The following RPS6KC1 variants were observed in gnomAD, a reference collection of about 807,000 sequenced individuals.
RPS6KC1 encodes the protein inactive ribosomal protein S6 kinase delta-1.
RPS6KC1 carries 54 observed loss-of-function variants against 103.8 expected under a neutral mutation model. The ratio of observed to expected loss-of-function variants is 0.52; its 90% CI spans 0.42 to 0.65. The LOEUF (loss-of-function observed/expected upper bound fraction) is 0.65, where lower values mean the gene tolerates loss of function less well. Among genes scored for constraint, RPS6KC1 ranks in the 30% least tolerant of loss-of-function variants. The probability of loss-of-function intolerance (pLI) is 0.00; values close to 1 mark genes in which losing one functional copy is unlikely to be tolerated. For synonymous variants in RPS6KC1, 439 were observed against 438.7 expected (o/e 1.00, Z -0.01); for missense variants, 1,151 against 1,253.8 (o/e 0.92, Z 1.24).
Position 213,241,542 on chromosome 1 carries a change from C to G in RPS6KC1, c.2066C>G (p.Pro689Arg), listed in dbSNP as rs201317387. Reference sequence around the variant, plus strand: ...GTCAGTGGTACTGATGAAGGAAGACCTGATCTTCTTGTAAATTTACCTGGT... The same window carrying G: ...GTCAGTGGTACTGATGAAGGAAGACGTGATCTTCTTGTAAATTTACCTGGT... ...DDVSGTDEGR[P>R]DLLVNLPGEL... Residue 689 changes from proline to arginine, a missense_variant, in exon 11 of 15, where the codon CCT (proline) becomes CGT (arginine). Around this residue, in one of 3 missense-constraint regions of RPS6KC1, gnomAD observed 959 missense variants for 1,006.3 expected, o/e 0.95. Coordinates refer to ENST00000366960, the MANE Select transcript of RPS6KC1 (RefSeq NM_012424.6). 198 of 1,613,968 alleles carry G rather than the reference C, an allele frequency of 1.2e-4. No individual in the cohort carries two copies. Among genetic ancestry groups the G allele is most frequent in the Non-Finnish European group, 1.5e-4 (180 of 1,179,928 alleles).
chr1:213,313,338 G>C, the RPS6KC1 span, among the ~76,000 whole-genome samples: 7 of 150,728 alleles, frequency 4.6e-5, no homozygotes, highest in Non-Finnish European at 1.0e-4. Context: ...GTTGAGGTGT[G>C]TGGGTTTTTT....
At chr1:213,810,044 A>G in the RPS6KC1 span, among the ~76,000 whole-genome samples, 1 of 152,160 alleles carries the variant, frequency 6.6e-6, no homozygotes, top group Non-Finnish European at 1.5e-5. Context: ...ATCCACCATG[A>G]CCACCATCAC....
chr1:213,747,611 G>A, the RPS6KC1 span, among the ~76,000 whole-genome samples: 7,089 of 152,208 alleles, frequency 0.047, 339 homozygotes, highest in African/African-American at 0.12. Flanking sequence ...TGGAATATTT[G>A]CCATGTACCA....
the RPS6KC1 span, among the ~76,000 whole-genome samples, chr1:213,560,758 C>G: frequency 6.6e-6 from 1 of 152,162 alleles, no homozygotes; most frequent in South Asian, 2.1e-4. Context: ...CCCACCAAAT[C>G]TCACGAGGAT....
At chr1:213,252,031 T>C (rs2094554917) in intron 12 of RPS6KC1, among the ~76,000 whole-genome samples, 1 of 152,216 alleles carries the variant, frequency 6.6e-6, no homozygotes, top group Admixed American at 6.5e-5. Context: ...TGCTTAGCTG[T>C]CCCCCTTCCC....
the RPS6KC1 span, among the ~76,000 whole-genome samples, chr1:213,741,780 G>A: frequency 6.6e-6 from 1 of 152,070 alleles, no homozygotes; most frequent in African/African-American, 2.4e-5. Flanking sequence ...TGCAGATGGT[G>A]TCTCTGAGGG....
At chr1:213,314,779 TTTAG>T in the RPS6KC1 span, among the ~76,000 whole-genome samples, 1 of 152,088 alleles carries the variant, frequency 6.6e-6, no homozygotes, top group African/African-American at 2.4e-5. Flanking sequence ...TAATATGATA[TTTAG>T]TTAAATAATT....
Position 213,241,175 on chromosome 1 carries a change from G to A in RPS6KC1, c.1699G>A (p.Ala567Thr). The A allele has an allele frequency of 6.2e-7, 1 of 1,613,884 alleles. No individual in the cohort carries two copies. Among genetic ancestry groups the A allele is most frequent in the Non-Finnish European group, 8.5e-7 (1 of 1,179,918 alleles). The part of the protein sequence containing the change: ...DSDSPSTQLR[A>T]HELKFFPNDD... ...TGACAGCCCCAGCACACAGCTGAGAGCTCACGAGCTGAAGTTCTTCCCCAA... is the reference window on the plus strand; with the variant it reads ...TGACAGCCCCAGCACACAGCTGAGAACTCACGAGCTGAAGTTCTTCCCCAA... The change falls in exon 11 of 15, where the codon GCT becomes ACT. Residue 567 changes from alanine to threonine, a missense_variant. This residue lies in a region of RPS6KC1 where 959 missense variants were observed against 1,006.3 expected (regional missense o/e 0.95). Coordinates refer to ENST00000366960, the MANE Select transcript of RPS6KC1 (RefSeq NM_012424.6).
At chr1:213,219,559 C>T (rs901853368) in intron 8 of RPS6KC1, among the ~76,000 whole-genome samples, 13 of 152,120 alleles carry the variant, frequency 8.5e-5, no homozygotes, top group African/African-American at 2.7e-4. Flanking sequence ...CACATGCACA[C>T]GTATGTTTAT....
At chr1:213,747,891 A>G in the RPS6KC1 span, among the ~76,000 whole-genome samples, 1 of 152,204 alleles carries the variant, frequency 6.6e-6, no homozygotes, top group African/African-American at 2.4e-5. Flanking sequence ...CCTACAAAAG[A>G]ATATACAGGC....
At chr1:213,740,486 G>A in the RPS6KC1 span, among the ~76,000 whole-genome samples, 623 of 152,158 alleles carry the variant, frequency 4.1e-3, 6 homozygotes, top group Middle Eastern at 0.041. Flanking sequence ...CTCACTGTTT[G>A]TTTGTTAATA....
chr1:213,168,664 C>T (rs1171911431), intron 7 of RPS6KC1, among the ~76,000 whole-genome samples: 1 of 152,038 alleles, frequency 6.6e-6, no homozygotes, highest in African/African-American at 2.4e-5. Flanking sequence ...ACTCTGTCCC[C>T]CAGACTGGAG....
chr1:213,594,443 G>T, the RPS6KC1 span, among the ~76,000 whole-genome samples: 2 of 152,094 alleles, frequency 1.3e-5, no homozygotes, highest in East Asian at 3.8e-4. Context: ...TAAAAAATAT[G>T]ATTACAGTAT....
the RPS6KC1 span, among the ~76,000 whole-genome samples, chr1:213,438,073 C>T: frequency 6.6e-6 from 1 of 152,000 alleles, no homozygotes; most frequent in Non-Finnish European, 1.5e-5. Context: ...TGTATCTAAT[C>T]TGGTGTTCAA....
chr1:213,457,452 A>G, the RPS6KC1 span, among the ~76,000 whole-genome samples: 1 of 151,852 alleles, frequency 6.6e-6, no homozygotes, highest in African/African-American at 2.4e-5. Flanking sequence ...TAGTTAACTC[A>G]TTAGGGACTT....
chr1:213,703,881 A>T, the RPS6KC1 span, among the ~76,000 whole-genome samples: 2 of 152,210 alleles, frequency 1.3e-5, no homozygotes, highest in East Asian at 3.9e-4. Flanking sequence ...GGTTCTAGGA[A>T]GTTCTCTTTT....
chr1:213,209,208 A>G (rs1333530294), intron 8 of RPS6KC1, among the ~76,000 whole-genome samples: 1 of 152,056 alleles, frequency 6.6e-6, no homozygotes, highest in Non-Finnish European at 1.5e-5. Context: ...GTTTTCTCTC[A>G]GTAGCCCCGC....
chr1:213,486,528 G>A, the RPS6KC1 span, among the ~76,000 whole-genome samples: 1 of 142,116 alleles, frequency 7.0e-6, no homozygotes, highest in South Asian at 2.1e-4. Context: ...GACCTGACAG[G>A]CAAAGAAAGG....
At chr1:213,059,673 C>T (rs61412490) in intron 1 of RPS6KC1, among the ~76,000 whole-genome samples, 5,528 of 151,956 alleles carry the variant, frequency 0.036, 280 homozygotes, top group African/African-American at 0.12. Context: ...GCTACCACAC[C>T]GGCTAATTTT....
Sources: allele counts gnomAD v4.1 joint callset (sites outside exome capture counted in the v4.1 genomes callset), GRCh38; gene constraint gnomAD v4.1.1; regional missense constraint gnomAD v4.1.1; transcripts MANE v1.5; gene names NCBI Gene and HGNC (gene_info 2026-07-23, HGNC 2026-07-21).